Variants in MAGI1 observed in about 807,000 individuals in gnomAD.
MAGI1 encodes membrane associated guanylate kinase, WW and PDZ domain containing 1.
Under a neutral mutation model 139.9 loss-of-function variants are expected in MAGI1, and 58 were observed. The observed-to-expected ratio is 0.41, with a 90% confidence interval of 0.34 to 0.52. The LOEUF (loss-of-function observed/expected upper bound fraction) is 0.52, where lower values mean the gene tolerates loss of function less well. Ranked by LOEUF, MAGI1 falls within the 20% of genes least tolerant of loss-of-function variation. MAGI1 has a pLI of 0.12. For missense variants in MAGI1, 1,874 were observed against 1,901.6 expected (o/e 0.99, Z 0.27); for synonymous variants, 812 against 737.9 (o/e 1.10, Z -1.63).
chr3:65,557,551 A>G (rs1559668839), intron 2 of MAGI1, among the ~76,000 whole-genome samples: 1 of 152,196 alleles, frequency 6.6e-6, no homozygotes, highest in Admixed American at 6.5e-5. Context: ...CTTTCTCAGT[A>G]AGCAATTACC....
Position 65,379,721 on chromosome 3 carries a change from C to G in MAGI1, c.2702-167G>C, listed in dbSNP as rs893947397. 6.6e-6 allele frequency among the ~76,000 whole-genome samples: 1 copy of G among 152,196 alleles called. No homozygotes were observed. The highest frequency in any genetic ancestry group is 1.5e-5 in the Non-Finnish European group (1 of 68,044). On this transcript the variant is annotated intron_variant, in intron 16 of 22. Coordinates refer to ENST00000402939, the MANE Select transcript of MAGI1 (RefSeq NM_001033057.2). ...GATATACGGATTGAAAGCAGCTTCT[C>G]TTGACAAATATTAACCATTCAGTAT...
At chr3:65,579,845 C>T (rs1184991307) in intron 2 of MAGI1, among the ~76,000 whole-genome samples, 1 of 100,308 alleles carries the variant, frequency 1.0e-5, no homozygotes, top group African/African-American at 3.5e-5. Flanking sequence ...GAAACTCCAT[C>T]TCAAAAAAAA....
At position 65,710,497 on chromosome 3, in the gene MAGI1, G is replaced by A. The variant is rs140349496; in HGVS notation, c.314-88409C>T. On this transcript the variant is annotated intron_variant, in intron 1 of 22. Transcript: ENST00000402939. ...GTTTCTCCATATTGAGGCTGGTCTC[G>A]AACTCCTGACCTCAGGTGATCCACC... Among the ~76,000 whole-genome samples, 1,250 of 151,518 alleles carry A rather than the reference G, an allele frequency of 8.2e-3. 23 individuals carry two copies. Among genetic ancestry groups the A allele is most frequent in the African/African-American group, 0.028 (1,167 of 41,340 alleles).
chr3:65,674,630 A>G (rs1032592930), intron 1 of MAGI1, among the ~76,000 whole-genome samples: 3 of 152,138 alleles, frequency 2.0e-5, no homozygotes, highest in African/African-American at 7.2e-5. Flanking sequence ...AGTCATCACC[A>G]AAATAAATTT....
chr3:65,922,733 T>C (rs764111150), intron 1 of MAGI1, among the ~76,000 whole-genome samples: 9 of 152,158 alleles, frequency 5.9e-5, no homozygotes, highest in South Asian at 4.1e-4. Flanking sequence ...CAACGGAGCA[T>C]TGCAATGCCA....
At chr3:65,741,024 G>T (rs1044782422) in intron 1 of MAGI1, among the ~76,000 whole-genome samples, 1 of 152,176 alleles carries the variant, frequency 6.6e-6, no homozygotes, top group Non-Finnish European at 1.5e-5. Flanking sequence ...AGTGAGAAGA[G>T]TTTAATGCCT....
At chr3:65,708,666 T>C (rs2030818069) in intron 1 of MAGI1, among the ~76,000 whole-genome samples, 1 of 150,844 alleles carries the variant, frequency 6.6e-6, no homozygotes, top group Non-Finnish European at 1.5e-5. Context: ...AAGAGGAGAA[T>C]GATGGCAAGA....
At chr3:65,688,060 G>A (rs2088217702) in intron 1 of MAGI1, 3 of 773,656 alleles carry the variant, frequency 3.9e-6, no homozygotes, top group African/African-American at 3.5e-5. Flanking sequence ...TCATTATGCT[G>A]TGATAACCCC....
chr3:66,025,232 T>A (rs973912450), intron 1 of MAGI1, among the ~76,000 whole-genome samples: 1 of 152,196 alleles, frequency 6.6e-6, no homozygotes, highest in African/African-American at 2.4e-5. Flanking sequence ...GATCTACATA[T>A]AGTATTTTTT....
chr3:65,494,248 G>A lies in MAGI1; in HGVS notation c.431-617C>T, dbSNP rs183886249. ...AGAGGCCGTCCATGAATTCTGACTAGGGAGAAAGGACGCTGCATTTGCTAG... is the reference window on the plus strand; with the variant it reads ...AGAGGCCGTCCATGAATTCTGACTAAGGAGAAAGGACGCTGCATTTGCTAG... On this transcript the variant is annotated intron_variant, in intron 2 of 22. Coordinates refer to ENST00000402939, the MANE Select transcript of MAGI1 (RefSeq NM_001033057.2). 1.8e-4 allele frequency among the ~76,000 whole-genome samples: 27 copies of A among 152,292 alleles called. No individual in the cohort carries two copies. In the East Asian group the frequency reaches 4.6e-3, roughly 26 times the overall value.
chr3:65,414,120 C>T (rs547250062), intron 12 of MAGI1, among the ~76,000 whole-genome samples: 30 of 152,292 alleles, frequency 2.0e-4, no homozygotes, highest in African/African-American at 6.7e-4. Context: ...GGCTTTGAGT[C>T]AATGCAGATG....
chr3:65,622,148 T>C (rs1024640933), intron 1 of MAGI1, 60 bp from the exon 2 acceptor site: 2 of 1,203,360 alleles, frequency 1.7e-6, no homozygotes, highest in South Asian at 1.2e-5. Flanking sequence ...AGAAAAGAAG[T>C]AGCCAAGAAC....
chr3:65,474,076 G>A (rs1197779967), intron 4 of MAGI1, among the ~76,000 whole-genome samples: 1 of 152,138 alleles, frequency 6.6e-6, no homozygotes, highest in African/African-American at 2.4e-5. Context: ...CACCAGTCTA[G>A]GCAACATAGT....
At chr3:65,515,006 A>G (rs9882807) in intron 2 of MAGI1, among the ~76,000 whole-genome samples, 123,733 of 144,488 alleles carry the variant, frequency 0.86, 53,131 homozygotes, top group East Asian at 0.97. Flanking sequence ...CGTGTCCTTT[A>G]TAGGGACATG....
At chr3:66,026,119 A>C (rs538837385) in intron 1 of MAGI1, among the ~76,000 whole-genome samples, 1 of 152,024 alleles carries the variant, frequency 6.6e-6, no homozygotes, top group South Asian at 2.1e-4. Flanking sequence ...TAGATGGAGG[A>C]GGAAATGAAC....
intron 1 of MAGI1, among the ~76,000 whole-genome samples, chr3:65,930,782 A>G (rs2062771314): frequency 1.3e-5 from 2 of 152,278 alleles, no homozygotes; most frequent in East Asian, 3.9e-4. Flanking sequence ...ATAATGCATT[A>G]GAAGGCTAAA....
At chr3:65,823,822 C>T (rs931975023) in intron 1 of MAGI1, among the ~76,000 whole-genome samples, 21 of 152,280 alleles carry the variant, frequency 1.4e-4, no homozygotes, top group African/African-American at 2.9e-4. Flanking sequence ...GAGGATGCTT[C>T]GTGAACCTTC....
At chr3:65,598,741 G>A (rs1164196033) in intron 2 of MAGI1, among the ~76,000 whole-genome samples, 2 of 152,158 alleles carry the variant, frequency 1.3e-5, no homozygotes, top group Non-Finnish European at 2.9e-5. Context: ...TGGATAGGGG[G>A]AGGCTGGCCT....
chr3:65,435,630 C>T (rs912427825), intron 10 of MAGI1, among the ~76,000 whole-genome samples: 1 of 152,088 alleles, frequency 6.6e-6, no homozygotes, highest in East Asian at 1.9e-4. Context: ...TCTCTTGCCT[C>T]CATGGGATTT....
Sources: allele counts gnomAD v4.1 joint callset (sites outside exome capture counted in the v4.1 genomes callset), GRCh38; gene constraint gnomAD v4.1.1; transcripts MANE v1.5; gene names NCBI Gene and HGNC (gene_info 2026-07-23, HGNC 2026-07-21).